EXOC2: variants seen among roughly 807,000 people sequenced by gnomAD.
EXOC2 encodes the protein SEC5-like 1.
In EXOC2, 70 loss-of-function variants were observed where a neutral mutation model predicts 131.8. That is an observed-to-expected ratio of 0.53 (90% CI 0.44 to 0.65). The LOEUF (loss-of-function observed/expected upper bound fraction) is 0.65. Among genes scored for constraint, EXOC2 ranks in the 30% least tolerant of loss-of-function variants. The pLI is 0.00. For synonymous variants in EXOC2, 411 were observed against 398.4 expected (o/e 1.03, Z -0.38); for missense variants, 923 against 1,108.6 (o/e 0.83, Z 2.38).
chr6:508,557 A>T (rs749858944), intron 23 of EXOC2, among the ~76,000 whole-genome samples: 1 of 152,170 alleles, frequency 6.6e-6, no homozygotes, highest in Non-Finnish European at 1.5e-5. Context: ...CAGCCTTTTC[A>T]GTTTATCTTA....
At position 631,753 on chromosome 6, in the gene EXOC2, G is replaced by C. The variant is rs1158550205; in HGVS notation, c.295+1188C>G. Among the ~76,000 whole-genome samples the C allele has an allele frequency of 2.0e-5, 3 of 152,010 alleles. 1 individual carries two copies. The highest frequency in any genetic ancestry group is 4.1e-4 in the South Asian group (2 of 4,826). ...AAGTTCCTGCTTTAGTTTCAGTTTAGTTTTTGAAGACACTAAATAAAAAGA... is the reference window on the plus strand; with the variant it reads ...AAGTTCCTGCTTTAGTTTCAGTTTACTTTTTGAAGACACTAAATAAAAAGA... On this transcript the variant is annotated intron_variant, in intron 3 of 27. Transcript: ENST00000230449.
intron 22 of EXOC2, among the ~76,000 whole-genome samples, chr6:539,312 T>C (rs1419753557): frequency 6.6e-6 from 1 of 152,226 alleles, no homozygotes; most frequent in African/African-American, 2.4e-5. Flanking sequence ...TCTGGTGTAA[T>C]GGACAATACT....
At chr6:500,673 T>C (rs1763996542) in intron 23 of EXOC2, among the ~76,000 whole-genome samples, 1 of 152,168 alleles carries the variant, frequency 6.6e-6, no homozygotes, top group Non-Finnish European at 1.5e-5. Context: ...TCCAAAACAA[T>C]TCCTTTCCCT....
chr6:583,894 A>C (rs989476930), intron 11 of EXOC2, among the ~76,000 whole-genome samples: 9 of 152,224 alleles, frequency 5.9e-5, no homozygotes, highest in African/African-American at 2.2e-4. Flanking sequence ...AGATGGAAAG[A>C]AACTAGCATC....
intron 1 of EXOC2, among the ~76,000 whole-genome samples, chr6:649,478 A>G (rs960177964): frequency 6.6e-6 from 1 of 152,196 alleles, no homozygotes; most frequent in Non-Finnish European, 1.5e-5. Context: ...CTACACACTT[A>G]CGTACTATCC....
chr6:582,635 G>A (rs1329994747), intron 11 of EXOC2, among the ~76,000 whole-genome samples: 3 of 150,648 alleles, frequency 2.0e-5, no homozygotes, highest in Non-Finnish European at 3.0e-5. Flanking sequence ...GGGGGTGGGG[G>A]TGGGGGTGCG....
intron 4 of EXOC2, among the ~76,000 whole-genome samples, chr6:626,781 C>T (rs893575681): frequency 1.3e-5 from 2 of 151,724 alleles, no homozygotes; most frequent in Non-Finnish European, 2.9e-5. Flanking sequence ...TTAGTAGAGA[C>T]GGGGTTTCAC....
intron 1 of EXOC2, among the ~76,000 whole-genome samples, 154 bp from the exon 2 acceptor site, chr6:638,015 A>T (rs1762180292): frequency 6.6e-6 from 1 of 152,242 alleles, no homozygotes; most frequent in Non-Finnish European, 1.5e-5. Flanking sequence ...ATCAGCCAAC[A>T]TCTACTGAAC....
chr6:491,068 T>C, intron 26 of EXOC2, 57 bp downstream of exon 26: 2 of 1,543,840 alleles, frequency 1.3e-6, no homozygotes, highest in Non-Finnish European at 1.8e-6. Flanking sequence ...CAGAATTGAC[T>C]AGTAAGACAA....
chr6:613,832 G>A (rs1046806431), intron 6 of EXOC2, among the ~76,000 whole-genome samples: 1 of 151,952 alleles, frequency 6.6e-6, no homozygotes, highest in Admixed American at 6.6e-5. Flanking sequence ...GTATACATAT[G>A]TAACAAACCT....
At chr6:617,347 A>G (rs1218571719) in intron 6 of EXOC2, among the ~76,000 whole-genome samples, 1 of 152,362 alleles carries the variant, frequency 6.6e-6, no homozygotes, top group Non-Finnish European at 1.5e-5. Context: ...TCCTATCATC[A>G]GCCTTTCCAA....
Position 574,348 on chromosome 6 carries a change from G to T in EXOC2, c.1319-1704C>A, listed in dbSNP as rs368125912. Among the ~76,000 whole-genome samples, 6 of 152,288 alleles carry T rather than the reference G, an allele frequency of 3.9e-5. No individual in the cohort carries two copies. The South Asian group carries it at 1.0e-3, about 26-fold the overall frequency. On this transcript the variant is annotated intron_variant, in intron 12 of 27. Transcript: ENST00000230449. Reference sequence around the variant, plus strand: ...CCTCATACTTCCACCGGTGACACGTGCAAGTAGTGGCCTCATCAATGAACA... The same window carrying T: ...CCTCATACTTCCACCGGTGACACGTTCAAGTAGTGGCCTCATCAATGAACA...
intron 26 of EXOC2, among the ~76,000 whole-genome samples, chr6:490,267 A>C (rs1362988860): frequency 1.3e-5 from 2 of 152,194 alleles, no homozygotes; most frequent in Non-Finnish European, 2.9e-5. Context: ...TCTAAAACTA[A>C]GTCAGCAGGA....
chr6:521,287 C>T (rs1217639689), intron 23 of EXOC2, among the ~76,000 whole-genome samples: 2 of 152,156 alleles, frequency 1.3e-5, no homozygotes, highest in Non-Finnish European at 2.9e-5. Flanking sequence ...CACCGAGCGC[C>T]GACACTCACC....
intron 10 of EXOC2, among the ~76,000 whole-genome samples, chr6:593,524 C>T: frequency 6.6e-6 from 1 of 152,200 alleles, no homozygotes; most frequent in East Asian, 1.9e-4. Flanking sequence ...GTCTATAAAA[C>T]ACCCAAATCC....
At chr6:640,280 G>A (rs1038520913) in intron 1 of EXOC2, among the ~76,000 whole-genome samples, 7 of 152,272 alleles carry the variant, frequency 4.6e-5, no homozygotes, top group South Asian at 2.1e-4. Flanking sequence ...GAAGGGGTGC[G>A]GGGAGAGCTT....
chr6:508,326 T>C (rs1764675135), intron 23 of EXOC2, among the ~76,000 whole-genome samples: 1 of 152,174 alleles, frequency 6.6e-6, no homozygotes, highest in Non-Finnish European at 1.5e-5. Context: ...AATTCCACAG[T>C]TTACATTAGG....
chr6:568,217 G>A (rs1167636488), intron 13 of EXOC2, among the ~76,000 whole-genome samples: 1 of 152,246 alleles, frequency 6.6e-6, no homozygotes, highest in Non-Finnish European at 1.5e-5. Context: ...AATGCACTGT[G>A]CACGGCAGAA....
intron 25 of EXOC2, among the ~76,000 whole-genome samples, chr6:495,888 G>A (rs192162140): frequency 2.4e-4 from 36 of 150,946 alleles, no homozygotes; most frequent in African/African-American, 5.2e-4. Flanking sequence ...CGAGAGCTCC[G>A]CTTGCTTTTT....
Sources: allele counts gnomAD v4.1 joint callset (sites outside exome capture counted in the v4.1 genomes callset), GRCh38; gene constraint gnomAD v4.1.1; transcripts MANE v1.5; gene names NCBI Gene and HGNC (gene_info 2026-07-23, HGNC 2026-07-21).